Variants in DOCK3 observed in about 807,000 individuals in gnomAD.
DOCK3 encodes dedicator of cytokinesis 3, also known as dedicator of cytokinesis protein 3.
Under a neutral mutation model 265.6 loss-of-function variants are expected in DOCK3, and 60 were observed. The ratio of observed to expected loss-of-function variants is 0.23; its 90% CI spans 0.18 to 0.28. DOCK3 has a LOEUF of 0.28. Ranked by LOEUF, DOCK3 falls within the 10% of genes least tolerant of loss-of-function variation. DOCK3 has a pLI of 1.00. For missense variants in DOCK3, 1,981 were observed against 2,594.3 expected (o/e 0.76, Z 5.14); for synonymous variants, 881 against 938.0 (o/e 0.94, Z 1.11).
At chr3:51,274,178 G>C (rs1429772128) in intron 24 of DOCK3, among the ~76,000 whole-genome samples, 5 of 152,184 alleles carry the variant, frequency 3.3e-5, no homozygotes, top group Non-Finnish European at 5.9e-5. Context: ...ATAAATGTTG[G>C]CTAATTATCA....
At chr3:50,947,940 C>G (rs2076473405) in intron 5 of DOCK3, among the ~76,000 whole-genome samples, 1 of 149,128 alleles carries the variant, frequency 6.7e-6, no homozygotes, top group Non-Finnish European at 1.5e-5. Flanking sequence ...ACTGCAAGCT[C>G]CACCTCCCAG....
At chr3:51,208,112 C>G (rs2089316343) in intron 12 of DOCK3, among the ~76,000 whole-genome samples, 1 of 152,148 alleles carries the variant, frequency 6.6e-6, no homozygotes, top group African/African-American at 2.4e-5. Flanking sequence ...TTGTCTCAAT[C>G]CCATAGTTCC....
At chr3:50,776,870 C>T (rs943203901) in intron 1 of DOCK3, among the ~76,000 whole-genome samples, 2 of 151,942 alleles carry the variant, frequency 1.3e-5, no homozygotes, top group African/African-American at 4.8e-5. Context: ...AAAGACATAC[C>T]CAAGACTGGG....
intron 23 of DOCK3, among the ~76,000 whole-genome samples, chr3:51,266,332 A>G (rs549427868): frequency 8.9e-4 from 136 of 152,352 alleles, no homozygotes; most frequent in African/African-American, 3.1e-3. Context: ...AAACTACTTT[A>G]AAGTTCATAT....
intron 5 of DOCK3, among the ~76,000 whole-genome samples, chr3:51,047,885 G>A (rs1276055768): frequency 3.3e-5 from 5 of 152,050 alleles, no homozygotes; most frequent in Admixed American, 3.3e-4. Context: ...CTCATTTTAT[G>A]AGGCCAGCAT....
At chr3:51,205,777 A>G (rs2089169624) in intron 12 of DOCK3, among the ~76,000 whole-genome samples, 1 of 152,232 alleles carries the variant, frequency 6.6e-6, no homozygotes, top group Admixed American at 6.5e-5. Context: ...TGCTGTATTA[A>G]GAGAATAAAA....
chr3:50,997,565 A>T (rs2078328309), intron 5 of DOCK3, among the ~76,000 whole-genome samples: 1 of 152,176 alleles, frequency 6.6e-6, no homozygotes. Context: ...ATTTTATAAT[A>T]AATAAAACAT....
At chr3:51,256,600 T>TG (rs543790697) in intron 22 of DOCK3, among the ~76,000 whole-genome samples, 5 of 150,354 alleles carry the variant, frequency 3.3e-5, no homozygotes, top group Non-Finnish European at 5.9e-5. Context: ...TTTGTTTTTT[T>TG]TTTTTTTTTT....
intron 5 of DOCK3, among the ~76,000 whole-genome samples, chr3:50,947,539 G>A (rs1301479533): frequency 6.6e-6 from 1 of 152,086 alleles, no homozygotes; most frequent in Non-Finnish European, 1.5e-5. Flanking sequence ...GGAACAAAAT[G>A]TTAAAATTGG....
At chr3:50,765,344 A>ACC (rs1279301504) in intron 1 of DOCK3, among the ~76,000 whole-genome samples, 1 of 152,034 alleles carries the variant, frequency 6.6e-6, no homozygotes, top group African/African-American at 2.4e-5. Context: ...TCGGCCTCTC[A>ACC]AAGTGCTGGG....
intron 32 of DOCK3, 115 bp downstream of exon 32, chr3:51,315,243 T>C: frequency 1.5e-6 from 2 of 1,308,246 alleles, no homozygotes; most frequent in East Asian, 5.4e-5. Context: ...GTTTGGCTAA[T>C]TTGAATCCTG....
rs114393743 is a variant in DOCK3, at chr3:50,849,777, G to A, written c.162+8062G>A. ...GCTTGCAGAAAAACAAATTCCAGAAGGATACAATTAAAAGCATACTTGTCA... is the reference window on the plus strand; with the variant it reads ...GCTTGCAGAAAAACAAATTCCAGAAAGATACAATTAAAAGCATACTTGTCA... On this transcript the variant is annotated intron_variant, in intron 3 of 52. Transcript: ENST00000266037. Among the ~76,000 whole-genome samples the A allele has an allele frequency of 4.9e-3, 747 of 152,198 alleles. 9 individuals carry two copies. The highest frequency in any genetic ancestry group is 0.017 in the African/African-American group (702 of 41,530).
At chr3:50,861,044 T>C (rs1336385481) in intron 3 of DOCK3, among the ~76,000 whole-genome samples, 1 of 152,212 alleles carries the variant, frequency 6.6e-6, no homozygotes, top group East Asian at 1.9e-4. Flanking sequence ...CTGAAAGTCC[T>C]GGTTTAGTGG....
At chr3:51,313,571 G>A (rs1278570841) in intron 31 of DOCK3, among the ~76,000 whole-genome samples, 2 of 152,198 alleles carry the variant, frequency 1.3e-5, no homozygotes, top group Non-Finnish European at 2.9e-5. Flanking sequence ...CTGTGATATT[G>A]TAGAGTTCTG....
At chr3:51,133,497 C>A (rs1173066272) in intron 9 of DOCK3, among the ~76,000 whole-genome samples, 4 of 152,052 alleles carry the variant, frequency 2.6e-5, no homozygotes, top group Non-Finnish European at 5.9e-5. Flanking sequence ...ATGAACTCAT[C>A]CTTTTTTATG....
At chr3:50,906,345 C>T (rs1448573492) in intron 4 of DOCK3, among the ~76,000 whole-genome samples, 2 of 152,064 alleles carry the variant, frequency 1.3e-5, no homozygotes, top group African/African-American at 4.8e-5. Flanking sequence ...ATGCTACCAG[C>T]TCCTCCTTGT....
At chr3:51,025,564 A>G (rs1283441671) in intron 5 of DOCK3, among the ~76,000 whole-genome samples, 2 of 152,180 alleles carry the variant, frequency 1.3e-5, no homozygotes, top group East Asian at 3.9e-4. Context: ...TCACGTGCCC[A>G]GCTTCTGCAC....
At position 51,201,251 on chromosome 3, in the gene DOCK3, C is replaced by A. The variant is rs376957075; in HGVS notation, c.1038-7523C>A. Among the ~76,000 whole-genome samples, 116 of 150,588 alleles carry A rather than the reference C, an allele frequency of 7.7e-4. 4 individuals are homozygous for A. In the South Asian group the frequency reaches 0.023, roughly 30 times the overall value. ...TGGCAAATTGGATAAAGAGTCAAGA[C>A]CCATCAGTGTGCTGTATTCAGGAAA... On this transcript the variant is annotated intron_variant, in intron 12 of 52. Coordinates refer to ENST00000266037, the MANE Select transcript of DOCK3 (RefSeq NM_004947.5).
At chr3:50,788,905 T>G (rs898699278) in intron 2 of DOCK3, among the ~76,000 whole-genome samples, 1 of 152,240 alleles carries the variant, frequency 6.6e-6, no homozygotes, top group African/African-American at 2.4e-5. Flanking sequence ...CCCCCTTTAT[T>G]ATCTTTTCAA....
Sources: gnomAD v4.1 joint callset for allele counts (sites outside exome capture counted in the v4.1 genomes callset) on GRCh38, gnomAD v4.1.1 for gene constraint, MANE v1.5 for transcripts, NCBI Gene and HGNC (gene_info 2026-07-23, HGNC 2026-07-21) for gene names.